Variants in RNF150 observed in about 807,000 individuals in gnomAD.
RNF150 encodes the protein ring finger protein 150.
RNF150 carries 24 observed loss-of-function variants against 39.3 expected under a neutral mutation model. The observed-to-expected ratio is 0.61, with a 90% CI of 0.44 to 0.86. RNF150 has a LOEUF of 0.86. Among genes scored for constraint, RNF150 ranks in the 40% least tolerant of loss-of-function variants. The probability of loss-of-function intolerance (pLI) is 0.00; values close to 1 mark genes in which losing one functional copy is unlikely to be tolerated. For synonymous variants in RNF150, 255 were observed against 227.3 expected (o/e 1.12, Z -1.10); for missense variants, 502 against 587.8 (o/e 0.85, Z 1.51).
intron 1 of RNF150, among the ~76,000 whole-genome samples, chr4:141,173,524 G>A (rs1388902511): frequency 1.3e-5 from 2 of 152,196 alleles, no homozygotes; most frequent in Non-Finnish European, 2.9e-5. Flanking sequence ...GTTCACCTAA[G>A]TTGACATAAT....
At chr4:140,940,185 ACT>A (rs1481023492) in intron 4 of RNF150, among the ~76,000 whole-genome samples, 3 of 151,906 alleles carry the variant, frequency 2.0e-5, no homozygotes, top group South Asian at 4.1e-4. Flanking sequence ...CAAGCAAGAC[ACT>A]CTAACAATTC....
intron 1 of RNF150, among the ~76,000 whole-genome samples, chr4:141,170,810 T>G (rs1321594549): frequency 1.3e-5 from 2 of 152,206 alleles, no homozygotes; most frequent in Non-Finnish European, 2.9e-5. Context: ...TAATTGAACA[T>G]TCACTCTTGC....
At chr4:141,160,208 C>A (rs1250044702) in intron 1 of RNF150, among the ~76,000 whole-genome samples, 1 of 152,078 alleles carries the variant, frequency 6.6e-6, no homozygotes, top group Non-Finnish European at 1.5e-5. Flanking sequence ...TTTAACATAC[C>A]ATAAGATAAG....
chr4:140,967,681 C>T lies in RNF150; in HGVS notation c.677G>A (p.Trp226Ter). Residue 226 changes from tryptophan to a stop codon, truncating the protein, a stop_gained, in exon 2 of 7, where the codon TGG becomes TAG. Coordinates refer to ENST00000515673, the MANE Select transcript of RNF150 (RefSeq NM_020724.2). LOFTEE classifies it high-confidence loss of function. ...CCTCTGGATGTAATAAAAGACGAGC[C>T]ATGCGAGGGAAATGATCATCAGGAC... ...FIVLMIISLAWLVFYYIQRFR... is the reference protein window; with the variant it reads ...FIVLMIISLA The T allele has an allele frequency of 6.2e-7, 1 of 1,613,376 alleles. No individual in the cohort carries two copies. Among genetic ancestry groups the T allele is most frequent in the Non-Finnish European group, 8.5e-7 (1 of 1,179,516 alleles).
At chr4:141,083,618 G>C (rs1337349610) in intron 1 of RNF150, among the ~76,000 whole-genome samples, 5 of 152,070 alleles carry the variant, frequency 3.3e-5, no homozygotes, top group South Asian at 2.1e-4. Flanking sequence ...GTAGGAAACT[G>C]ATGTCACAGG....
intron 2 of RNF150, among the ~76,000 whole-genome samples, chr4:140,965,623 G>A (rs1579010569): frequency 1.3e-5 from 2 of 152,122 alleles, no homozygotes; most frequent in African/African-American, 4.8e-5. Flanking sequence ...TGGGCCTGGA[G>A]GACATCGTGT....
intron 6 of RNF150, among the ~76,000 whole-genome samples, chr4:140,889,599 T>C (rs76458222): frequency 0.013 from 1,960 of 152,146 alleles, 48 homozygotes; most frequent in African/African-American, 0.045. Context: ...GAAAGAGAGA[T>C]TTTTAAATGC....
intron 1 of RNF150, among the ~76,000 whole-genome samples, chr4:141,026,823 AAC>A (rs747623342): frequency 4.6e-5 from 7 of 152,224 alleles, no homozygotes; most frequent in Admixed American, 1.3e-4. Flanking sequence ...TAAAGTTGAA[AAC>A]ACAGGCAAAT....
At chr4:140,991,197 GT>G (rs769573673) in intron 1 of RNF150, among the ~76,000 whole-genome samples, 1 of 151,924 alleles carries the variant, frequency 6.6e-6, no homozygotes, top group East Asian at 1.9e-4. Context: ...GGGGTTGTTT[GT>G]TTTTTTCTTG....
In RNF150 at chr4:140,864,338, C is replaced by T. The variant is rs1257959531; in HGVS notation, c.*3923G>A. ...AATGTTCAAAAGCTGTATTCATAGT[C>T]AGGGCTCAGCTCTTCCAAAGGGACT... is the stretch of plus-strand genomic sequence containing the variant. On this transcript the variant is annotated 3_prime_UTR_variant, in exon 7 of 7. Transcript: ENST00000515673. 6.6e-6 allele frequency: 1 copy of T among 152,176 alleles called. No individual in the cohort carries two copies. The highest frequency in any genetic ancestry group is 2.4e-5 in the African/African-American group (1 of 41,420). The allele number at this position is 152,176 out of a possible 1,614,324, so 9.4% of individuals were successfully genotyped here. A position where few individuals can be genotyped will look rare whatever the true frequency, so the allele number is the denominator to read the frequency against.
chr4:140,939,606 TTGTGTGTGTGTGTGTGTGTGTGTG>T (rs142516967), intron 4 of RNF150, among the ~76,000 whole-genome samples: 24 of 138,588 alleles, frequency 1.7e-4, no homozygotes, highest in Admixed American at 3.6e-4. Context: ...CAAGTGGAGT[TTGTGTGTGTGTGTGTGTGTGTGTG>T]TGTGTGTGTG....
chr4:140,919,778 T>TGAAG (rs757202625), intron 5 of RNF150, among the ~76,000 whole-genome samples: 19,310 of 151,992 alleles, frequency 0.13, 1,392 homozygotes, highest in Admixed American at 0.21. Context: ...GCTACCTGAC[T>TGAAG]TCAAACTTGG....
chr4:141,125,592 T>A (rs1393406363), intron 1 of RNF150, among the ~76,000 whole-genome samples: 2 of 152,174 alleles, frequency 1.3e-5, no homozygotes, highest in Non-Finnish European at 2.9e-5. Context: ...ATGCTTAATG[T>A]CCAGAAATGC....
intron 1 of RNF150, among the ~76,000 whole-genome samples, chr4:141,106,448 A>G (rs1739210691): frequency 6.6e-6 from 1 of 152,216 alleles, no homozygotes; most frequent in African/African-American, 2.4e-5. Context: ...TAGCCAAGGT[A>G]GGAGTCAAAC....
At position 141,164,890 on chromosome 4, in the gene RNF150, C is replaced by G. The variant is rs111694161; in HGVS notation, c.-6+47904G>C. Among the ~76,000 whole-genome samples the G allele has an allele frequency of 2.7e-3, 405 of 152,300 alleles. 1 individual carries two copies. Among genetic ancestry groups the G allele is most frequent in the African/African-American group, 9.2e-3 (383 of 41,568 alleles). On this transcript the variant is annotated intron_variant, in intron 1 of 7. Transcript: ENST00000420921. ...TTGACACTATAAGAAACTGCATCAACTAATAGGTAAAATAACCAGCTAACA... is the reference window on the plus strand; with the variant it reads ...TTGACACTATAAGAAACTGCATCAAGTAATAGGTAAAATAACCAGCTAACA...
chr4:140,916,693 G>A (rs894021729), intron 5 of RNF150, among the ~76,000 whole-genome samples: 5 of 152,174 alleles, frequency 3.3e-5, no homozygotes, highest in South Asian at 2.1e-4. Flanking sequence ...TACAGAGAAC[G>A]CCACAAAGAT....
chr4:141,153,073 T>G (rs1727327287), intron 1 of RNF150, among the ~76,000 whole-genome samples: 1 of 152,166 alleles, frequency 6.6e-6, no homozygotes, highest in Non-Finnish European at 1.5e-5. Flanking sequence ...ATACACATAA[T>G]TTTTTTCTTC....
At chr4:140,887,005 A>C (rs956706304) in intron 6 of RNF150, among the ~76,000 whole-genome samples, 4 of 152,170 alleles carry the variant, frequency 2.6e-5, no homozygotes, top group East Asian at 1.9e-4. Flanking sequence ...ATTTTCCCCC[A>C]AAATTTTTGT....
intron 1 of RNF150, among the ~76,000 whole-genome samples, chr4:141,125,925 A>G (rs1726738031): frequency 6.6e-6 from 1 of 152,204 alleles, no homozygotes; most frequent in African/African-American, 2.4e-5. Flanking sequence ...TAAAATGTAT[A>G]AACAAGTCAT....
Sources: gnomAD v4.1 joint callset for allele counts (sites outside exome capture counted in the v4.1 genomes callset) on GRCh38, gnomAD v4.1.1 for gene constraint, MANE v1.5 for transcripts, NCBI Gene and HGNC (gene_info 2026-07-23, HGNC 2026-07-21) for gene names.